Variants in PHTF2 observed in about 807,000 individuals in gnomAD.
The protein encoded by PHTF2 is putative homeodomain transcription factor 2, also known as protein PHTF2.
PHTF2 carries 60 observed loss-of-function variants against 101.2 expected under a neutral mutation model. The ratio of observed to expected loss-of-function variants is 0.59; its 90% CI spans 0.48 to 0.73. The LOEUF is 0.73. PHTF2 is among the 30% of genes least tolerant of loss of function. The pLI, the probability that PHTF2 is intolerant of heterozygous loss-of-function variation, is 0.00. For missense variants in PHTF2, 747 were observed against 908.7 expected (o/e 0.82, Z 2.29); for synonymous variants, 311 against 307.3 (o/e 1.01, Z -0.13).
At chr7:77,890,904 CTTTTTTTTTTTTT>C (rs11442975) in intron 3 of PHTF2, among the ~76,000 whole-genome samples, 2 of 92,962 alleles carry the variant, frequency 2.2e-5, no homozygotes, top group African/African-American at 9.9e-5. Flanking sequence ...CGCACCCGGC[CTTTTTTTTTTTTT>C]TTTTTTTTTG....
intron 2 of PHTF2, among the ~76,000 whole-genome samples, chr7:77,844,643 G>C (rs1236764522): frequency 6.6e-6 from 1 of 152,158 alleles, no homozygotes; most frequent in Non-Finnish European, 1.5e-5. Flanking sequence ...TCCTGCCTCA[G>C]CCTCCCCAGT....
At chr7:77,920,518 T>A in intron 10 of PHTF2, 53 bp downstream of exon 9, 2 of 1,352,232 alleles carry the variant, frequency 1.5e-6, no homozygotes, top group African/African-American at 1.4e-5. Context: ...TTAGCCAATG[T>A]AAAGTGACTT....
intron 1 of PHTF2, among the ~76,000 whole-genome samples, chr7:77,807,298 G>A (rs760407385): frequency 9.2e-5 from 14 of 151,690 alleles, no homozygotes; most frequent in South Asian, 2.1e-4. Context: ...TAATCTTTTT[G>A]TACCATTTTA....
At chr7:77,799,012 G>A (rs1459552348) in intron 1 of PHTF2, 41 bp downstream of exon 1, 1 of 152,766 alleles carries the variant, frequency 6.5e-6, no homozygotes, top group Non-Finnish European at 1.5e-5. Context: ...GGGCAGTGTG[G>A]AGGTCGTCGA....
intron 1 of PHTF2, among the ~76,000 whole-genome samples, chr7:77,804,314 T>A (rs879725048): frequency 6.6e-6 from 1 of 152,098 alleles, no homozygotes; most frequent in Non-Finnish European, 1.5e-5. Context: ...TCTGTCTTAA[T>A]GAGGGGTTTT....
chr7:77,938,293 A>G (rs1805330230), intron 13 of PHTF2, among the ~76,000 whole-genome samples: 2 of 152,246 alleles, frequency 1.3e-5, no homozygotes, highest in African/African-American at 4.8e-5. Flanking sequence ...ATTTGCATTC[A>G]TACTTGCTTA....
intron 3 of PHTF2, among the ~76,000 whole-genome samples, chr7:77,872,216 G>A (rs1798579616): frequency 6.6e-6 from 1 of 152,142 alleles, no homozygotes; most frequent in Non-Finnish European, 1.5e-5. Flanking sequence ...GGGCCCATTG[G>A]ACGATGATGG....
intron 3 of PHTF2, among the ~76,000 whole-genome samples, chr7:77,859,675 C>T (rs535258675): frequency 4.6e-5 from 7 of 151,874 alleles, no homozygotes; most frequent in African/African-American, 1.7e-4. Context: ...GCGATCTTCC[C>T]GCCTCAGCCT....
At chr7:77,954,565 A>G (rs2151004239) in intron 19 of PHTF2, among the ~76,000 whole-genome samples, 2 of 146,264 alleles carry the variant, frequency 1.4e-5, no homozygotes, top group African/African-American at 5.1e-5. Flanking sequence ...TATATGCACA[A>G]CTAACTGTTA....
chr7:77,934,163 T>G (rs1305191072), intron 12 of PHTF2, among the ~76,000 whole-genome samples: 1 of 152,228 alleles, frequency 6.6e-6, no homozygotes, highest in Non-Finnish European at 1.5e-5. Context: ...AAGACCTTTT[T>G]CTGTCTGCTA....
intron 3 of PHTF2, among the ~76,000 whole-genome samples, chr7:77,875,702 C>T (rs1039199398): frequency 3.9e-5 from 6 of 151,936 alleles, no homozygotes; most frequent in Admixed American, 6.6e-5. Flanking sequence ...GGACTACAGG[C>T]GCCTGCCACC....
At chr7:77,875,444 A>G (rs1228002787) in intron 3 of PHTF2, among the ~76,000 whole-genome samples, 3 of 152,094 alleles carry the variant, frequency 2.0e-5, no homozygotes, top group African/African-American at 7.2e-5. Context: ...TGTTATAAGG[A>G]TTAAACAACA....
chr7:77,874,426 G>C (rs1305581435), intron 3 of PHTF2, among the ~76,000 whole-genome samples: 1 of 152,100 alleles, frequency 6.6e-6, no homozygotes, highest in Non-Finnish European at 1.5e-5. Flanking sequence ...AGTTTATTAA[G>C]TATTAACTCA....
At chr7:77,930,673 T>C (rs1349510135) in intron 12 of PHTF2, among the ~76,000 whole-genome samples, 1 of 152,218 alleles carries the variant, frequency 6.6e-6, no homozygotes, top group Non-Finnish European at 1.5e-5. Flanking sequence ...CTCACAGTTC[T>C]GAGGCCTGGA....
chr7:77,837,453 A>G (rs1795558452), intron 1 of PHTF2, among the ~76,000 whole-genome samples: 1 of 152,200 alleles, frequency 6.6e-6, no homozygotes, highest in Non-Finnish European at 1.5e-5. Context: ...TCAGAAATCT[A>G]TCTTAGCATG....
At chr7:77,906,746 A>C (rs1181671372) in intron 7 of PHTF2, among the ~76,000 whole-genome samples, 1 of 152,102 alleles carries the variant, frequency 6.6e-6, no homozygotes, top group Non-Finnish European at 1.5e-5. Flanking sequence ...ATCTCTACTA[A>C]AAATACAAAA....
At chr7:77,805,999 AC>A (rs1192566566) in intron 1 of PHTF2, among the ~76,000 whole-genome samples, 3 of 151,916 alleles carry the variant, frequency 2.0e-5, no homozygotes, top group Admixed American at 6.6e-5. Flanking sequence ...ACATGTTGAA[AC>A]CTCGTCTCTA....
At position 77,933,706 on chromosome 7, in the gene PHTF2, C is replaced by G. The variant is rs114775717; in HGVS notation, c.1339-4004C>G. 1.3e-3 allele frequency among the ~76,000 whole-genome samples: 191 copies of G among 144,748 alleles called. 2 individuals are homozygous for G. Among genetic ancestry groups the G allele is most frequent in the Non-Finnish European group, 9.2e-4 (62 of 67,140 alleles). 95.0% of individuals were successfully genotyped at this position (144,748 alleles called of 152,430 possible). A position where few individuals can be genotyped will look rare whatever the true frequency, so the allele number is the denominator to read the frequency against. On this transcript the variant is annotated intron_variant, in intron 12 of 19. Transcript: ENST00000416283. The stretch of plus-strand genomic sequence containing the variant: ...CTATAAGCAGCATAAAAGCAGGGAC[C>G]ATGTGTTTTTTTTTTTTTTTTTTGC...
At chr7:77,805,586 G>A (rs199539460) in intron 1 of PHTF2, among the ~76,000 whole-genome samples, 1 of 152,062 alleles carries the variant, frequency 6.6e-6, no homozygotes, top group Non-Finnish European at 1.5e-5. Context: ...TACATCTCAC[G>A]AATTTTGATA....
Sources: gnomAD v4.1 joint callset for allele counts (sites outside exome capture counted in the v4.1 genomes callset) on GRCh38, gnomAD v4.1.1 for gene constraint, MANE v1.5 for transcripts, NCBI Gene and HGNC (gene_info 2026-07-23, HGNC 2026-07-21) for gene names.